DDHD1: variants seen among roughly 807,000 people sequenced by gnomAD.
DDHD1 encodes the protein phospholipase DDHD1.
DDHD1 carries 49 observed loss-of-function variants against 96.4 expected under a neutral mutation model. That is an observed-to-expected ratio of 0.51 (90% CI 0.40 to 0.64). The LOEUF (loss-of-function observed/expected upper bound fraction) is 0.64. DDHD1 is among the 30% of genes least tolerant of loss of function. The pLI, the probability that DDHD1 is intolerant of heterozygous loss-of-function variation, is 0.00. For synonymous variants in DDHD1, 442 were observed against 446.5 expected, an observed-to-expected ratio of 0.99 and a Z score of 0.13; for missense variants, 1,106 against 1,161.2, an observed-to-expected ratio of 0.95 and a Z score of 0.69.
At position 53,131,842 on chromosome 14, in the gene DDHD1, A is replaced by G. The variant is rs998885323; in HGVS notation, c.838+20419T>C. 2.0e-5 allele frequency among the ~76,000 whole-genome samples: 3 copies of G among 151,838 alleles called. No individual in the cohort carries two copies. In the South Asian group the frequency reaches 6.2e-4, roughly 32 times the overall value. The stretch of plus-strand genomic sequence containing the variant: ...ATCTATTCTCAAAAGGACATCGCAC[A>G]TCCCCCTCCAAAGCTCAAATTTCTT... On this transcript the variant is annotated intron_variant, in intron 1 of 12. Transcript: ENST00000673822.
chr14:53,143,926 T>C (rs924215434), intron 1 of DDHD1, among the ~76,000 whole-genome samples: 3 of 152,228 alleles, frequency 2.0e-5, no homozygotes, highest in African/African-American at 7.2e-5. Flanking sequence ...TCTACTTTAC[T>C]TTTTACAGGG....
At chr14:53,142,514 G>T (rs1040258986) in intron 1 of DDHD1, among the ~76,000 whole-genome samples, 1 of 151,502 alleles carries the variant, frequency 6.6e-6, no homozygotes, top group Non-Finnish European at 1.5e-5. Context: ...TGAAAACTGA[G>T]CAGTCTTTTA....
At chr14:53,057,337 T>C (rs1466458675) in intron 9 of DDHD1, among the ~76,000 whole-genome samples, 1 of 152,170 alleles carries the variant, frequency 6.6e-6, no homozygotes, top group Non-Finnish European at 1.5e-5. Flanking sequence ...GGGGGCATTT[T>C]TCTTGTCTGA....
At chr14:53,130,389 C>T (rs1234600535) in intron 1 of DDHD1, among the ~76,000 whole-genome samples, 1 of 152,158 alleles carries the variant, frequency 6.6e-6, no homozygotes, top group Non-Finnish European at 1.5e-5. Context: ...GTTCATGGCC[C>T]ATTTGTTAAC....
chr14:53,111,618 A>C (rs115494141), intron 1 of DDHD1, among the ~76,000 whole-genome samples: 1 of 151,812 alleles, frequency 6.6e-6, no homozygotes, highest in African/African-American at 2.4e-5. Context: ...TTTGGTAATT[A>C]TCTTTAAAGT....
intron 2 of DDHD1, among the ~76,000 whole-genome samples, chr14:53,101,760 G>GT (rs1887317316): frequency 6.6e-6 from 1 of 151,936 alleles, no homozygotes; most frequent in Non-Finnish European, 1.5e-5. Context: ...AAAAACTGAA[G>GT]TATCTTGCTA....
chr14:53,152,697 G>C lies in DDHD1; in HGVS notation c.402C>G (p.Gly134=). The part of the protein sequence containing the change: ...PLVPTNSGGG[G]ATGGSPGERK... The stretch of plus-strand genomic sequence containing the variant: ...TTTCCCCGGGGGACCCTCCTGTCGC[G>C]CCGCCGCCCCCCGAGTTCGTCGGGA... The change falls in exon 1 of 13, where the codon GGC becomes GGG. Residue 134 remains glycine (G), a synonymous_variant. Transcript: ENST00000673822. 1 of 1,610,996 alleles carries C rather than the reference G, an allele frequency of 6.2e-7. No homozygotes were observed. The highest frequency in any genetic ancestry group is 8.5e-7 in the Non-Finnish European group (1 of 1,179,026).
chr14:53,141,961 T>G (rs1890669300), intron 1 of DDHD1, among the ~76,000 whole-genome samples: 1 of 152,226 alleles, frequency 6.6e-6, no homozygotes, highest in African/African-American at 2.4e-5. Context: ...TAGGCTTCTA[T>G]TTAAAGAGCA....
chr14:53,096,699 AC>A (rs1315048275), intron 2 of DDHD1, among the ~76,000 whole-genome samples: 1 of 151,846 alleles, frequency 6.6e-6, no homozygotes, highest in East Asian at 1.9e-4. Flanking sequence ...GATGCTTTCC[AC>A]TGCTGAAGTA....
At chr14:53,098,727 C>T (rs1013784006) in intron 2 of DDHD1, among the ~76,000 whole-genome samples, 17 of 151,970 alleles carry the variant, frequency 1.1e-4, no homozygotes, top group African/African-American at 3.1e-4. Context: ...GTTCACAGTA[C>T]GGGGTATATT....
rs562608732 is a variant in DDHD1 at position 53,111,691 on chromosome 14, C to T, written c.839-7835G>A. 3.0e-4 allele frequency among the ~76,000 whole-genome samples: 46 copies of T among 152,144 alleles called. 1 individual carries two copies. The South Asian group carries it at 9.6e-3, about 32-fold the overall frequency. ...AAATTAAGAATTTTTCACTTTAATG[C>T]TTGATATGTAATATACATTGAATTA... On this transcript the variant is annotated intron_variant, in intron 1 of 12. Transcript: ENST00000673822.
At chr14:53,132,654 T>G (rs1889959624) in intron 1 of DDHD1, among the ~76,000 whole-genome samples, 1 of 152,222 alleles carries the variant, frequency 6.6e-6, no homozygotes, top group Non-Finnish European at 1.5e-5. Flanking sequence ...TGCTGTTACA[T>G]GGGCAGAAAG....
chr14:53,058,268 C>T (rs1337446603), intron 9 of DDHD1, among the ~76,000 whole-genome samples: 4 of 152,198 alleles, frequency 2.6e-5, no homozygotes, highest in Non-Finnish European at 5.9e-5. Context: ...GCACCCACTA[C>T]CACGCCCAGC....
intron 4 of DDHD1, among the ~76,000 whole-genome samples, chr14:53,088,970 A>C (rs1315181062): frequency 6.6e-6 from 1 of 152,224 alleles, no homozygotes; most frequent in Non-Finnish European, 1.5e-5. Flanking sequence ...AACTTCAGCA[A>C]AGTCTCGGGA....
At chr14:53,114,322 C>T (rs754983997) in intron 1 of DDHD1, among the ~76,000 whole-genome samples, 3 of 152,216 alleles carry the variant, frequency 2.0e-5, no homozygotes, top group Non-Finnish European at 4.4e-5. Context: ...TCCTGCCTGC[C>T]GACTCTGAAG....
intron 1 of DDHD1, among the ~76,000 whole-genome samples, chr14:53,120,644 C>G (rs575703039): frequency 3.1e-4 from 47 of 152,248 alleles, no homozygotes; most frequent in African/African-American, 9.9e-4. Context: ...AATAGCAGCA[C>G]ACATCTACAA....
intron 12 of DDHD1, among the ~76,000 whole-genome samples, chr14:53,048,173 AGTT>A (rs1187790073): frequency 6.6e-6 from 1 of 152,186 alleles, no homozygotes; most frequent in East Asian, 1.9e-4. Flanking sequence ...ATGCTTATAC[AGTT>A]GTTATTTTTC....
chr14:53,134,202 A>G (rs554216674), intron 1 of DDHD1, among the ~76,000 whole-genome samples: 1 of 152,074 alleles, frequency 6.6e-6, no homozygotes, highest in Non-Finnish European at 1.5e-5. Flanking sequence ...CTGTCTAGCC[A>G]TACTCCTATT....
At chr14:53,097,399 G>C (rs982452412) in intron 2 of DDHD1, among the ~76,000 whole-genome samples, 4 of 151,910 alleles carry the variant, frequency 2.6e-5, no homozygotes, top group Non-Finnish European at 5.9e-5. Flanking sequence ...GCTGTGCTAC[G>C]TCAGGATTAT....
Sources: gnomAD v4.1 joint callset for allele counts (sites outside exome capture counted in the v4.1 genomes callset) on GRCh38, gnomAD v4.1.1 for gene constraint, MANE v1.5 for transcripts, NCBI Gene and HGNC (gene_info 2026-07-23, HGNC 2026-07-21) for gene names.